The following ADGRB3 variants were observed in gnomAD, a reference collection of about 807,000 sequenced individuals.
ADGRB3 encodes the protein brain-specific angiogenesis inhibitor 3.
In ADGRB3, 37 loss-of-function variants were observed where a neutral mutation model predicts 193.4. The observed-to-expected ratio is 0.19, with a 90% CI of 0.15 to 0.25. The LOEUF (loss-of-function observed/expected upper bound fraction) is 0.25. ADGRB3 is among the 10% of genes least tolerant of loss of function. The pLI, the probability that ADGRB3 is intolerant of heterozygous loss-of-function variation, is 1.00. For synonymous variants in ADGRB3, 690 were observed against 644.2 expected, an observed-to-expected ratio of 1.07 and a Z score of -1.08; for missense variants, 1,637 against 1,852.9, an observed-to-expected ratio of 0.88 and a Z score of 2.14.
intron 3 of ADGRB3, among the ~76,000 whole-genome samples, chr6:68,681,679 T>TA: frequency 6.6e-6 from 1 of 152,054 alleles, no homozygotes. Flanking sequence ...AGACTAGACT[T>TA]AGACAAGTCT....
At chr6:69,178,172 A>G (rs1775480318) in intron 17 of ADGRB3, among the ~76,000 whole-genome samples, 1 of 152,154 alleles carries the variant, frequency 6.6e-6, no homozygotes, top group Admixed American at 6.5e-5. Flanking sequence ...TGAACCCTTT[A>G]TCATGATGTA....
At chr6:69,040,769 A>G (rs998185168) in intron 13 of ADGRB3, among the ~76,000 whole-genome samples, 5 of 148,284 alleles carry the variant, frequency 3.4e-5, no homozygotes, top group Admixed American at 6.9e-5. Context: ...TACCATTTCT[A>G]TGCTAAAAGG....
chr6:68,747,064 C>T (rs986910997), intron 3 of ADGRB3, among the ~76,000 whole-genome samples: 1 of 151,842 alleles, frequency 6.6e-6, no homozygotes, highest in Non-Finnish European at 1.5e-5. Context: ...TCAGTGAGCC[C>T]CTTGGAAACT....
chr6:68,854,247 A>G (rs542320011), intron 3 of ADGRB3, among the ~76,000 whole-genome samples: 1 of 152,266 alleles, frequency 6.6e-6, no homozygotes, highest in East Asian at 1.9e-4. Context: ...ATCTATATTG[A>G]GTTTGCCTCA....
intron 20 of ADGRB3, among the ~76,000 whole-genome samples, chr6:69,254,826 T>G (rs1374879685): frequency 2.0e-5 from 3 of 150,840 alleles, no homozygotes; most frequent in Non-Finnish European, 4.4e-5. Context: ...CATCTAGCAT[T>G]AGATATATCT....
chr6:68,917,489 T>C (rs1194464567), intron 3 of ADGRB3, among the ~76,000 whole-genome samples: 1 of 152,164 alleles, frequency 6.6e-6, no homozygotes, highest in Non-Finnish European at 1.5e-5. Flanking sequence ...TACTATTTTT[T>C]TTCCTGAAGT....
chr6:68,643,457 T>C (rs1006457474), intron 3 of ADGRB3, among the ~76,000 whole-genome samples: 2 of 146,442 alleles, frequency 1.4e-5, no homozygotes, highest in African/African-American at 2.5e-5. Flanking sequence ...TTTTTTTTTT[T>C]TTTCGTATGT....
chr6:69,024,670 C>A (rs537125263), intron 13 of ADGRB3, among the ~76,000 whole-genome samples: 3 of 152,124 alleles, frequency 2.0e-5, no homozygotes, highest in Admixed American at 1.3e-4. Flanking sequence ...CTAACAGATA[C>A]AAGAATCTAA....
chr6:68,718,885 A>G (rs886273849), intron 3 of ADGRB3, among the ~76,000 whole-genome samples: 1 of 151,764 alleles, frequency 6.6e-6, no homozygotes, highest in African/African-American at 2.4e-5. Flanking sequence ...TTGATGACAC[A>G]TTGTTTAAGG....
chr6:68,699,763 C>A (rs1314313268), intron 3 of ADGRB3, among the ~76,000 whole-genome samples: 1 of 150,822 alleles, frequency 6.6e-6, no homozygotes, highest in Non-Finnish European at 1.5e-5. Context: ...CTGGAGCATG[C>A]CCATTATGAA....
At chr6:68,912,638 G>C (rs1446385065) in intron 3 of ADGRB3, among the ~76,000 whole-genome samples, 1 of 151,994 alleles carries the variant, frequency 6.6e-6, no homozygotes, top group Non-Finnish European at 1.5e-5. Context: ...TTGTCCTTGC[G>C]ATAGTTTACT....
intron 26 of ADGRB3, among the ~76,000 whole-genome samples, chr6:69,348,778 C>T (rs1265118793): frequency 6.6e-6 from 1 of 152,144 alleles, no homozygotes; most frequent in East Asian, 1.9e-4. Context: ...AAACTAATAA[C>T]TGGAGGTTCA....
intron 3 of ADGRB3, among the ~76,000 whole-genome samples, chr6:68,667,817 T>A (rs780196498): frequency 6.6e-6 from 1 of 151,874 alleles, no homozygotes; most frequent in Non-Finnish European, 1.5e-5. Context: ...TGGCCACTGG[T>A]ACACTGAAAA....
At position 69,361,317 on chromosome 6, in the gene ADGRB3, A is replaced by G. The variant is rs2127332585; in HGVS notation, c.4044A>G (p.Glu1348=). Residue 1348 remains glutamate (E), a synonymous_variant, in exon 29 of 32, where the codon GAA becomes GAG. Transcript: ENST00000370598. ...TATTGCACTACAAAGTAAACCCTGA[A>G]TTCAATATGAATCCCCCTGTAATGG... ...ERLLHYKVNP[E]FNMNPPVMDQ... is the part of the protein sequence containing the mutation. The G allele has an allele frequency of 6.2e-7, 1 of 1,612,964 alleles. No individual in the cohort carries two copies. Among genetic ancestry groups the G allele is most frequent in the Non-Finnish European group, 8.5e-7 (1 of 1,179,258 alleles).
intron 3 of ADGRB3, among the ~76,000 whole-genome samples, chr6:68,660,142 A>G (rs573442491): frequency 6.6e-5 from 10 of 150,972 alleles, no homozygotes; most frequent in African/African-American, 2.4e-4. Context: ...AGTAATAGCC[A>G]ATGTCATATT....
At chr6:68,832,979 C>A (rs1420045070) in intron 3 of ADGRB3, among the ~76,000 whole-genome samples, 1 of 152,104 alleles carries the variant, frequency 6.6e-6, no homozygotes, top group African/African-American at 2.4e-5. Context: ...CCACTGTGTA[C>A]TTTTCTGTGT....
At chr6:69,132,243 A>G (rs1368273102) in intron 17 of ADGRB3, among the ~76,000 whole-genome samples, 2 of 152,184 alleles carry the variant, frequency 1.3e-5, no homozygotes, top group African/African-American at 4.8e-5. Flanking sequence ...ACTCCCATCA[A>G]CAGTGTAAAA....
At chr6:69,315,322 C>A (rs531525962) in intron 20 of ADGRB3, among the ~76,000 whole-genome samples, 2 of 151,634 alleles carry the variant, frequency 1.3e-5, no homozygotes, top group East Asian at 3.9e-4. Flanking sequence ...TCCTCTACAG[C>A]ATTGCTTCAA....
intron 17 of ADGRB3, among the ~76,000 whole-genome samples, chr6:69,174,655 G>C (rs560007120): frequency 6.6e-6 from 1 of 152,300 alleles, no homozygotes; most frequent in Admixed American, 6.5e-5. Flanking sequence ...TCTGTTTTAA[G>C]TTCTCAGAGA....
Sources: gnomAD v4.1 joint callset for allele counts (sites outside exome capture counted in the v4.1 genomes callset) on GRCh38, gnomAD v4.1.1 for gene constraint, MANE v1.5 for transcripts, NCBI Gene and HGNC (gene_info 2026-07-23, HGNC 2026-07-21) for gene names.